Variants in DNAH6 observed in about 807,000 individuals in gnomAD.
The protein encoded by DNAH6 is dynein axonemal heavy chain 6.
In DNAH6, 340 loss-of-function variants were observed where a neutral mutation model predicts 491.4. That is an observed-to-expected ratio of 0.69 (90% CI 0.63 to 0.76). The LOEUF is 0.76. DNAH6 is among the 30% of genes least tolerant of loss of function. The pLI is 0.00. For synonymous variants in DNAH6, 1,603 were observed against 1,686.1 expected (o/e 0.95, Z 1.21); for missense variants, 4,443 against 4,972.2 (o/e 0.89, Z 3.20).
At chr2:84,511,675 G>T (rs1675336579), upstream of DNAH6, among the ~76,000 whole-genome samples, 1 of 152,326 alleles carries the variant, frequency 6.6e-6, no homozygotes, top group African/African-American at 2.4e-5. Context: ...CACGCTGGGA[G>T]CTATAGACTG....
the DNAH6 span, among the ~76,000 whole-genome samples, chr2:84,464,330 C>T: frequency 6.6e-6 from 1 of 152,168 alleles, no homozygotes; most frequent in Non-Finnish European, 1.5e-5. Flanking sequence ...CACCAGTTTG[C>T]ATCCTTGCTC....
intron 2 of DNAH6, among the ~76,000 whole-genome samples, chr2:84,522,725 TG>T (rs1223751502): frequency 2.6e-5 from 4 of 152,170 alleles, no homozygotes; most frequent in African/African-American, 4.8e-5. Context: ...GAGATAATCA[TG>T]TTTTTTTTGT....
At chr2:84,531,957 G>T (rs182784577) in intron 4 of DNAH6, among the ~76,000 whole-genome samples, 3 of 152,136 alleles carry the variant, frequency 2.0e-5, no homozygotes, top group Non-Finnish European at 4.4e-5. Flanking sequence ...TGGGTTATTT[G>T]GTGATTTTAA....
chr2:84,629,025 C>T (rs1688144643), intron 29 of DNAH6, among the ~76,000 whole-genome samples: 1 of 152,082 alleles, frequency 6.6e-6, no homozygotes, highest in African/African-American at 2.4e-5. Flanking sequence ...TAGTATCATT[C>T]TGTGTGCTAC....
At position 84,525,723 on chromosome 2, in the gene DNAH6, T is replaced by C; in HGVS notation, c.384T>C (p.Ala128=). 1 of 1,536,912 alleles carries C rather than the reference T, an allele frequency of 6.5e-7. No individual in the cohort carries two copies. The highest frequency in any genetic ancestry group is 1.2e-5 in the South Asian group (1 of 81,540). Residue 128 remains alanine, a synonymous_variant, in exon 3 of 77, where the codon GCT becomes GCC. Coordinates refer to ENST00000389394, the MANE Select transcript of DNAH6 (RefSeq NM_001370.2). ...CTCAGTTTCTTGAGCATCAAGATGC[T>C]GTGAAAAAAATGCAGGTATAATATT... The part of the protein sequence containing the change: ...SSTQFLEHQD[A]VKKMQIHRPY...
At chr2:84,570,901 A>T (rs1240446212) in intron 11 of DNAH6, among the ~76,000 whole-genome samples, 1 of 152,176 alleles carries the variant, frequency 6.6e-6, no homozygotes, top group African/African-American at 2.4e-5. Flanking sequence ...CTGCGGCTTC[A>T]CTAATGAAGT....
the DNAH6 span, among the ~76,000 whole-genome samples, chr2:84,497,299 GT>G: frequency 3.2e-4 from 49 of 150,988 alleles, no homozygotes; most frequent in African/African-American, 1.1e-3. Context: ...TTGTGTCTGG[GT>G]TTTTTTTTCG....
chr2:84,797,490 AG>A (rs1263725543), intron 69 of DNAH6, 46 bp from the exon 70 acceptor site: 2 of 1,531,018 alleles, frequency 1.3e-6, no homozygotes, highest in Admixed American at 4.1e-5. Flanking sequence ...GGCAGTACAA[AG>A]CCAGTCTATT....
At chr2:84,719,955 T>C (rs186309899) in intron 59 of DNAH6, among the ~76,000 whole-genome samples, 2 of 152,180 alleles carry the variant, frequency 1.3e-5, no homozygotes, top group East Asian at 3.9e-4. Context: ...ACTGTAGTTA[T>C]ATCCTGATTA....
At chr2:84,598,180 T>C (rs1684858178) in intron 18 of DNAH6, among the ~76,000 whole-genome samples, 1 of 71,274 alleles carries the variant, frequency 1.4e-5, no homozygotes, top group South Asian at 6.2e-4. Flanking sequence ...TCTTTCTTTC[T>C]CTCTTTCTTT....
intron 64 of DNAH6, among the ~76,000 whole-genome samples, chr2:84,773,606 C>T (rs1728102): frequency 0.25 from 37,867 of 151,870 alleles, 5,298 homozygotes; most frequent in African/African-American, 0.4. Context: ...GTGGATTGAA[C>T]GGTAATTCCA....
At chr2:84,808,740 G>A (rs1013723655) in intron 72 of DNAH6, among the ~76,000 whole-genome samples, 198 bp downstream of exon 72, 6 of 152,148 alleles carry the variant, frequency 3.9e-5, no homozygotes, top group Admixed American at 2.6e-4. Context: ...ATGATGGAGT[G>A]AATATGTAAC....
At chr2:84,473,316 C>T in the DNAH6 span, among the ~76,000 whole-genome samples, 4 of 152,238 alleles carry the variant, frequency 2.6e-5, no homozygotes, top group Middle Eastern at 3.4e-3. Flanking sequence ...CTTTGTTGTG[C>T]GCAGTCTTGC....
At position 84,657,113 on chromosome 2, in the gene DNAH6, G is replaced by T. The variant is rs533882300; in HGVS notation, c.5758-1179G>T. Among the ~76,000 whole-genome samples, 326 of 151,982 alleles carry T rather than the reference G, an allele frequency of 2.1e-3. 1 individual carries two copies. The highest frequency in any genetic ancestry group is 7.4e-3 in the African/African-American group (309 of 41,488). On this transcript the variant is annotated intron_variant, in intron 35 of 76. Transcript: ENST00000389394. ...GTCCTTTCTCCATCAGATTGCCTTT[G>T]CTTTTTCGTTAAAAATCAATTGACT... is the stretch of plus-strand genomic sequence containing the variant.
At chr2:84,798,074 A>T (rs1197283197) in intron 70 of DNAH6, among the ~76,000 whole-genome samples, 1 of 152,242 alleles carries the variant, frequency 6.6e-6, no homozygotes, top group Non-Finnish European at 1.5e-5. Context: ...TACAGTGACA[A>T]ATGTCCAAAG....
intron 59 of DNAH6, 43 bp downstream of exon 59, chr2:84,718,427 C>A (rs1029795992): frequency 2.1e-6 from 3 of 1,440,088 alleles, no homozygotes; most frequent in Admixed American, 2.7e-5. Flanking sequence ...TATGTTACTT[C>A]AAAAGTTATA....
the DNAH6 span, among the ~76,000 whole-genome samples, chr2:84,495,738 A>G: frequency 6.6e-6 from 1 of 152,310 alleles, no homozygotes; most frequent in East Asian, 1.9e-4. Context: ...CGAGGTGGTG[A>G]TGAAGCAACA....
chr2:84,574,638 ACTG>A (rs138776094), intron 12 of DNAH6, among the ~76,000 whole-genome samples: 1 of 152,294 alleles, frequency 6.6e-6, no homozygotes, highest in East Asian at 1.9e-4. Context: ...GCCTACTTCC[ACTG>A]TTCTTTGACA....
intron 69 of DNAH6, 121 bp downstream of exon 69, chr2:84,796,546 C>T (rs932223054): frequency 1.3e-6 from 1 of 759,648 alleles, no homozygotes; most frequent in African/African-American, 1.8e-5. Flanking sequence ...TAGCCACACC[C>T]TATCCCCATG....
Sources: gnomAD v4.1 joint callset for allele counts (sites outside exome capture counted in the v4.1 genomes callset) on GRCh38, gnomAD v4.1.1 for gene constraint, MANE v1.5 for transcripts, NCBI Gene and HGNC (gene_info 2026-07-23, HGNC 2026-07-21) for gene names.